RTL4: variants seen among roughly 807,000 people sequenced by gnomAD.
The protein encoded by RTL4 is retrotransposon Gag like 4.
A neutral mutation model predicts 5.3 loss-of-function variants in RTL4; 4 were observed. The ratio of observed to expected loss-of-function variants is 0.75; its 90% confidence interval spans 0.37 to 1.72. The LOEUF is 1.72. Ranked by LOEUF, RTL4 falls within the 40% of genes most tolerant of loss-of-function variation. The probability of loss-of-function intolerance (pLI) is 0.04; values close to 1 mark genes in which losing one functional copy is unlikely to be tolerated. For missense variants in RTL4, 260 were observed against 227.1 expected, an observed-to-expected ratio of 1.14 and a Z score of -0.93; for synonymous variants, 98 against 87.3, an observed-to-expected ratio of 1.12 and a Z score of -0.68.
chrX:112,109,385 A>T, the RTL4 span, among the ~76,000 whole-genome samples: 1 of 111,668 alleles, frequency 9.0e-6, no homozygotes, highest in South Asian at 3.8e-4. Context: ...GGGAAAGAAC[A>T]AAGCTTCCAC....
At chrX:112,116,470 G>A in the RTL4 span, among the ~76,000 whole-genome samples, 5 of 111,309 alleles carry the variant, frequency 4.5e-5, no homozygotes, top group South Asian at 7.8e-4. Flanking sequence ...GCCACTACTC[G>A]CTGGGGTGAC....
At chrX:112,396,659 T>C in the RTL4 span, among the ~76,000 whole-genome samples, 1 of 111,711 alleles carries the variant, frequency 9.0e-6, no homozygotes, top group East Asian at 2.8e-4. Context: ...AGACATTTGG[T>C]ACAACTAATG....
the RTL4 span, among the ~76,000 whole-genome samples, chrX:112,280,117 A>C: frequency 0.05 from 5,565 of 111,751 alleles, 321 homozygotes; most frequent in African/African-American, 0.17. Flanking sequence ...TAAAACTGAA[A>C]ATCTATGAGT....
the RTL4 span, among the ~76,000 whole-genome samples, chrX:112,182,029 C>T: frequency 9.0e-6 from 1 of 111,528 alleles, no homozygotes; most frequent in Admixed American, 9.5e-5. Context: ...GCTGGTGATA[C>T]CCAGGCAAAC....
chrX:112,095,970 C>A, the RTL4 span, among the ~76,000 whole-genome samples: 1 of 111,349 alleles, frequency 9.0e-6, no homozygotes, highest in Non-Finnish European at 1.9e-5. Context: ...GAGAAAGTGA[C>A]AGAGATATTG....
At chrX:112,341,341 A>C in the RTL4 span, among the ~76,000 whole-genome samples, 87 of 112,052 alleles carry the variant, frequency 7.8e-4, no homozygotes, top group African/African-American at 2.7e-3. Context: ...TTAGAGCACC[A>C]AATCTTTAAC....
At chrX:112,287,967 A>G in the RTL4 span, among the ~76,000 whole-genome samples, 1 of 111,741 alleles carries the variant, frequency 8.9e-6, no homozygotes, top group East Asian at 2.8e-4. Context: ...TCTCCCCAGG[A>G]TGGACCTGCC....
chrX:112,154,356 T>G, the RTL4 span, among the ~76,000 whole-genome samples: 1 of 112,263 alleles, frequency 8.9e-6, no homozygotes, highest in Non-Finnish European at 1.9e-5. Flanking sequence ...GGACAATTTC[T>G]ACTGATCGCT....
the RTL4 span, among the ~76,000 whole-genome samples, chrX:112,135,986 A>G: frequency 2.5e-4 from 27 of 108,637 alleles, no homozygotes; most frequent in Non-Finnish European, 4.8e-4. Context: ...TGGCTTGATT[A>G]TTTTAGCTTT....
the RTL4 span, among the ~76,000 whole-genome samples, chrX:112,222,044 A>G: frequency 6.2e-5 from 7 of 112,014 alleles, no homozygotes; most frequent in African/African-American, 1.9e-4. Context: ...ATATTCTCTC[A>G]GTATGAAGGG....
At chrX:112,356,579 G>GGGGTGT in the RTL4 span, among the ~76,000 whole-genome samples, 370 of 99,449 alleles carry the variant, frequency 3.7e-3, 2 homozygotes, top group African/African-American at 0.013. Flanking sequence ...TTTGTTTTGG[G>GGGGTGT]GTGTGTGTGT....
chrX:112,139,434 G>A, the RTL4 span, among the ~76,000 whole-genome samples: 495 of 112,044 alleles, frequency 4.4e-3, 3 homozygotes, highest in African/African-American at 0.015. Flanking sequence ...AACTACCACA[G>A]TAATTAATAA....
chrX:112,312,241 T>C, the RTL4 span, among the ~76,000 whole-genome samples: 1 of 111,283 alleles, frequency 9.0e-6, no homozygotes, highest in South Asian at 3.8e-4. Flanking sequence ...GGATCTCTTA[T>C]ATGTAAAATG....
chrX:112,418,646 T>C, the RTL4 span, among the ~76,000 whole-genome samples: 1 of 110,467 alleles, frequency 9.1e-6, no homozygotes, highest in African/African-American at 3.3e-5. Flanking sequence ...GGAGCAGGTC[T>C]TCCCAGGGCC....
At chrX:112,154,172 T>A in the RTL4 span, among the ~76,000 whole-genome samples, 10 of 111,608 alleles carry the variant, frequency 9.0e-5, no homozygotes, top group African/African-American at 3.2e-4. Flanking sequence ...ATTCCAGAAT[T>A]TCTATTTGGT....
the RTL4 span, among the ~76,000 whole-genome samples, chrX:112,344,480 C>A: frequency 1.4e-4 from 16 of 111,425 alleles, no homozygotes; most frequent in African/African-American, 5.2e-4. Flanking sequence ...TCTTGCATGG[C>A]AGGAGCAAAA....
At chrX:112,221,972 G>C in the RTL4 span, among the ~76,000 whole-genome samples, 2 of 112,388 alleles carry the variant, frequency 1.8e-5, no homozygotes, top group Non-Finnish European at 1.9e-5. Context: ...AATAATAAAA[G>C]ATCTTGAGTT....
At chrX:112,204,340 C>T in the RTL4 span, among the ~76,000 whole-genome samples, 4 of 111,955 alleles carry the variant, frequency 3.6e-5, no homozygotes, top group Admixed American at 3.8e-4. Context: ...AAAAGGAAAC[C>T]AGTGTATCGA....
the RTL4 span, among the ~76,000 whole-genome samples, chrX:112,431,438 C>G: frequency 5.4e-5 from 6 of 111,600 alleles, no homozygotes; most frequent in African/African-American, 2.0e-4. Context: ...AGCCCCATGA[C>G]AGAGTCGCCC....
Sources: allele counts gnomAD v4.1 joint callset (sites outside exome capture counted in the v4.1 genomes callset), GRCh38; gene constraint gnomAD v4.1.1; transcripts MANE v1.5; gene names NCBI Gene and HGNC (gene_info 2026-07-23, HGNC 2026-07-21).